The following TYW1B variants were observed in gnomAD, a reference collection of about 807,000 sequenced individuals.
The protein encoded by TYW1B is S-adenosyl-L-methionine-dependent tRNA 4-demethylwyosine synthase TYW1B.
A neutral mutation model predicts 86.9 loss-of-function variants in TYW1B; 73 were observed. That is an observed-to-expected ratio of 0.84 (90% confidence interval 0.70 to 1.02). TYW1B has a LOEUF of 1.02. Ranked by LOEUF, TYW1B falls within the 50% of genes least tolerant of loss-of-function variation. The pLI, the probability that TYW1B is intolerant of heterozygous loss-of-function variation, is 0.00. For synonymous variants in TYW1B, 248 were observed against 292.8 expected, an observed-to-expected ratio of 0.85 and a Z score of 1.56; for missense variants, 637 against 827.4, an observed-to-expected ratio of 0.77 and a Z score of 2.82.
intron 11 of TYW1B, among the ~76,000 whole-genome samples, chr7:72,635,141 A>G (rs1173163559): frequency 6.6e-6 from 1 of 152,040 alleles, no homozygotes; most frequent in Non-Finnish European, 1.5e-5. Flanking sequence ...TCAAAAATCC[A>G]CCAAAACTGA....
chr7:72,617,619 G>A (rs28454618), intron 12 of TYW1B, among the ~76,000 whole-genome samples: 4,966 of 152,214 alleles, frequency 0.033, 69 homozygotes, highest in Non-Finnish European at 0.048. Flanking sequence ...TACCTGCCCC[G>A]GCCTCCCAAA....
chr7:72,575,035 A>T lies in TYW1B; in HGVS notation c.*463T>A, dbSNP rs1448492406. The stretch of plus-strand genomic sequence containing the variant: ...GTCTTAAGACAGAAGAAAGGGATCA[A>T]GCTCTTATCTTAGAAAGCACAGACA... On this transcript the variant is annotated 3_prime_UTR_variant, in exon 14 of 14. Coordinates refer to ENST00000620995, the MANE Select transcript of TYW1B (RefSeq NM_001145440.3). The T allele has an allele frequency of 1.0e-5, 10 of 994,060 alleles. No homozygotes were observed. Among genetic ancestry groups the T allele is most frequent in the Non-Finnish European group, 1.2e-5 (10 of 834,806 alleles). The allele number at this position is 994,060 out of a possible 1,614,324, so 61.6% of individuals were successfully genotyped here.
intron 10 of TYW1B, among the ~76,000 whole-genome samples, chr7:72,709,216 C>A: frequency 6.6e-6 from 1 of 152,164 alleles, no homozygotes; most frequent in Non-Finnish European, 1.5e-5. Context: ...ATAACAAAGA[C>A]GTGCCCACTT....
At chr7:72,661,067 G>A (rs1954712) in intron 11 of TYW1B, among the ~76,000 whole-genome samples, 9,076 of 151,434 alleles carry the variant, frequency 0.06, 567 homozygotes, top group East Asian at 0.32. Context: ...CCCAGGAGGC[G>A]GAGGTTGCAG....
intron 7 of TYW1B, chr7:72,769,100 A>T: frequency 2.6e-6 from 1 of 386,500 alleles, no homozygotes; most frequent in Non-Finnish European, 4.8e-6. Context: ...ATGGGCATGC[A>T]GCAGTTTGGC....
intron 11 of TYW1B, among the ~76,000 whole-genome samples, chr7:72,669,470 T>C (rs1413839728): frequency 6.6e-6 from 1 of 152,036 alleles, no homozygotes; most frequent in Non-Finnish European, 1.5e-5. Context: ...ATTTTATTAA[T>C]AATAGCACTG....
chr7:72,692,680 G>A (rs1554450564), intron 11 of TYW1B, among the ~76,000 whole-genome samples: 1 of 152,030 alleles, frequency 6.6e-6, no homozygotes, highest in East Asian at 1.9e-4. Context: ...AGGGAAAAAG[G>A]GGCAGCTAAT....
At chr7:72,645,517 C>T (rs555591006) in intron 11 of TYW1B, among the ~76,000 whole-genome samples, 6 of 152,098 alleles carry the variant, frequency 3.9e-5, no homozygotes, top group Non-Finnish European at 7.4e-5. Flanking sequence ...TTCATCATAG[C>T]CCCAACCAGG....
intron 6 of TYW1B, among the ~76,000 whole-genome samples, chr7:72,786,459 GT>G (rs1339147612): frequency 1.3e-5 from 2 of 151,506 alleles, no homozygotes; most frequent in African/African-American, 2.4e-5. Flanking sequence ...CTTCATTAGT[GT>G]TTTCTCCAGT....
At chr7:72,581,789 A>G (rs1386464308) in intron 13 of TYW1B, among the ~76,000 whole-genome samples, 4 of 152,050 alleles carry the variant, frequency 2.6e-5, no homozygotes, top group African/African-American at 4.8e-5. Flanking sequence ...GGCAGTGGCC[A>G]GGCGCAGACA....
At chr7:72,649,489 T>A (rs548598791) in intron 11 of TYW1B, among the ~76,000 whole-genome samples, 1 of 152,272 alleles carries the variant, frequency 6.6e-6, no homozygotes, top group East Asian at 1.9e-4. Flanking sequence ...CAGACTCCCA[T>A]GACTTCAAGC....
At chr7:72,707,232 C>T (rs73135161) in intron 10 of TYW1B, among the ~76,000 whole-genome samples, 142,435 of 152,330 alleles carry the variant, frequency 0.94, 66,703 homozygotes, top group African/African-American at 0.98. Context: ...AAGATGCTCG[C>T]GCATTGGGGC....
intron 7 of TYW1B, among the ~76,000 whole-genome samples, chr7:72,768,558 C>T (rs1362962352): frequency 1.3e-5 from 2 of 152,064 alleles, no homozygotes; most frequent in Admixed American, 6.6e-5. Context: ...GAGGCCGAGG[C>T]GGGCGGATCA....
intron 13 of TYW1B, among the ~76,000 whole-genome samples, chr7:72,591,568 G>A (rs1393635776): frequency 6.6e-6 from 1 of 152,054 alleles, no homozygotes; most frequent in East Asian, 1.9e-4. Flanking sequence ...ATGTCAACCA[G>A]GAATCCTATA....
At chr7:72,686,362 T>C (rs1212992510) in intron 11 of TYW1B, among the ~76,000 whole-genome samples, 3 of 152,214 alleles carry the variant, frequency 2.0e-5, no homozygotes, top group Admixed American at 1.3e-4. Context: ...CAATGGAATA[T>C]TGTTTAGCTC....
chr7:72,663,364 A>T lies in TYW1B; in HGVS notation c.1506+31323T>A, dbSNP rs1275389379. Among the ~76,000 whole-genome samples, 14 of 152,140 alleles carry T rather than the reference A, an allele frequency of 9.2e-5. 1 individual carries two copies. In the East Asian group the frequency reaches 9.6e-4, roughly 10 times the overall value. On this transcript the variant is annotated intron_variant, in intron 11 of 13. Transcript: ENST00000620995. ...AAATTGAAAGCAATGGTTATTTTTT[A>T]AAATGTCAGTTCAAACCACCCGGGT...
chr7:72,803,430 C>G (rs1443223367), intron 5 of TYW1B, among the ~76,000 whole-genome samples: 1 of 152,020 alleles, frequency 6.6e-6, no homozygotes, highest in African/African-American at 2.4e-5. Context: ...ACTACGTACC[C>G]CAACACAATG....
chr7:72,609,815 T>C (rs1327124250), intron 13 of TYW1B, among the ~76,000 whole-genome samples: 1 of 151,664 alleles, frequency 6.6e-6, no homozygotes, highest in East Asian at 1.9e-4. Context: ...ATCTGCATAC[T>C]CCGAGATCAA....
At chr7:72,607,393 C>CAAAAAAAAAAAAAAAAAAA (rs57281644) in intron 13 of TYW1B, among the ~76,000 whole-genome samples, 2 of 76,210 alleles carry the variant, frequency 2.6e-5, no homozygotes, top group Non-Finnish European at 5.2e-5. Flanking sequence ...TTCTGTCTCT[C>CAAAAAAAAAAAAAAAAAAA]AAAAAAAAAA....
Sources: allele counts gnomAD v4.1 joint callset (sites outside exome capture counted in the v4.1 genomes callset), GRCh38; gene constraint gnomAD v4.1.1; transcripts MANE v1.5; gene names NCBI Gene and HGNC (gene_info 2026-07-23, HGNC 2026-07-21).